The following KLF12 variants were observed in gnomAD, a reference collection of about 807,000 sequenced individuals.
The protein encoded by KLF12 is Krueppel-like factor 12.
KLF12 carries 9 observed loss-of-function variants against 37.8 expected under a neutral mutation model. That is an observed-to-expected ratio of 0.24 (90% confidence interval 0.14 to 0.42). The LOEUF is 0.42. KLF12 is among the 10% of genes least tolerant of loss of function. The pLI, the probability that KLF12 is intolerant of heterozygous loss-of-function variation, is 1.00. For missense variants in KLF12, 411 were observed against 516.0 expected (o/e 0.80, Z 1.97); for synonymous variants, 208 against 202.1 (o/e 1.03, Z -0.25).
At chr13:73,856,953 C>A (rs1159973648) in intron 3 of KLF12, among the ~76,000 whole-genome samples, 2 of 152,100 alleles carry the variant, frequency 1.3e-5, no homozygotes, top group East Asian at 3.9e-4. Flanking sequence ...CGCCATCACA[C>A]TCCCAACATG....
the KLF12 span, among the ~76,000 whole-genome samples, chr13:74,139,463 G>C: frequency 6.6e-6 from 1 of 152,138 alleles, no homozygotes; most frequent in Non-Finnish European, 1.5e-5. Flanking sequence ...GTTTCCATTT[G>C]GGTGCACATA....
intron 3 of KLF12, among the ~76,000 whole-genome samples, chr13:73,851,267 T>C (rs970599353): frequency 2.6e-5 from 4 of 152,208 alleles, no homozygotes; most frequent in African/African-American, 2.4e-5. Flanking sequence ...GCGTAAGATA[T>C]ATTCTGACAC....
chr13:74,184,973 A>G, the KLF12 span, among the ~76,000 whole-genome samples: 1 of 152,220 alleles, frequency 6.6e-6, no homozygotes, highest in African/African-American at 2.4e-5. Flanking sequence ...ACTTTTACAC[A>G]GTGATTTGAG....
chr13:74,139,743 G>T, the KLF12 span, among the ~76,000 whole-genome samples: 1 of 151,730 alleles, frequency 6.6e-6, no homozygotes, highest in African/African-American at 2.4e-5. Flanking sequence ...CAGCAAATTT[G>T]TTTTAAAAAA....
At chr13:74,287,534 C>A in the KLF12 span, among the ~76,000 whole-genome samples, 1 of 152,156 alleles carries the variant, frequency 6.6e-6, no homozygotes, top group Admixed American at 6.5e-5. Context: ...TTGCTTATAT[C>A]TGAACATATT....
At position 74,036,139 on chromosome 13, in the gene KLF12, A is replaced by G. The variant is rs138080722; in HGVS notation, c.-31-41086T>C. On this transcript the variant is annotated intron_variant, in intron 1 of 7. Transcript: ENST00000377669. ...CCTTGTGAACCATCTGACACCACCC[A>G]CTCTCTAAGTCTTCACAGATTTTCC... 3.8e-4 allele frequency among the ~76,000 whole-genome samples: 57 copies of G among 151,856 alleles called. 1 individual carries two copies. In the East Asian group the frequency reaches 0.01, roughly 27 times the overall value.
intron 1 of KLF12, among the ~76,000 whole-genome samples, chr13:74,009,912 A>G (rs936953856): frequency 2.6e-5 from 4 of 152,170 alleles, no homozygotes; most frequent in African/African-American, 9.7e-5. Context: ...AACAAACTAT[A>G]ACGAAGATCT....
intron 2 of KLF12, among the ~76,000 whole-genome samples, chr13:73,964,462 G>GA (rs933534599): frequency 1.3e-5 from 2 of 152,044 alleles, no homozygotes; most frequent in Admixed American, 1.3e-4. Context: ...CTCAATTTCA[G>GA]AAACACTCTA....
At chr13:74,026,650 A>C (rs1892983233) in intron 1 of KLF12, among the ~76,000 whole-genome samples, 1 of 152,222 alleles carries the variant, frequency 6.6e-6, no homozygotes, top group South Asian at 2.1e-4. Flanking sequence ...AATTAAAAAC[A>C]ACAAATACCT....
intron 1 of KLF12, among the ~76,000 whole-genome samples, chr13:74,070,302 T>C (rs937187172): frequency 2.6e-5 from 4 of 152,196 alleles, no homozygotes; most frequent in African/African-American, 9.6e-5. Flanking sequence ...ATGAAACCAC[T>C]GTGCTTAGCA....
At chr13:73,799,269 GGGA>G (rs1257175670) in intron 5 of KLF12, among the ~76,000 whole-genome samples, 2 of 152,106 alleles carry the variant, frequency 1.3e-5, no homozygotes, top group Non-Finnish European at 2.9e-5. Context: ...GGTGATGAAA[GGGA>G]GGAGGGAGAA....
At chr13:73,736,453 A>G (rs973550459) in intron 6 of KLF12, among the ~76,000 whole-genome samples, 1 of 152,196 alleles carries the variant, frequency 6.6e-6, no homozygotes, top group African/African-American at 2.4e-5. Flanking sequence ...TGACTCCAAG[A>G]GTCAGTAAAA....
At chr13:74,201,674 GA>G in the KLF12 span, among the ~76,000 whole-genome samples, 4 of 152,072 alleles carry the variant, frequency 2.6e-5, no homozygotes, top group Admixed American at 6.6e-5. Context: ...TAAATGCAGA[GA>G]TGTAATTCAG....
chr13:73,838,761 C>G (rs1884574357), intron 4 of KLF12, among the ~76,000 whole-genome samples: 1 of 152,112 alleles, frequency 6.6e-6, no homozygotes, highest in Non-Finnish European at 1.5e-5. Flanking sequence ...TATTTTATTA[C>G]CGTCATCTGG....
intron 3 of KLF12, among the ~76,000 whole-genome samples, chr13:73,877,111 A>T (rs1479071749): frequency 6.6e-6 from 1 of 152,078 alleles, no homozygotes; most frequent in Non-Finnish European, 1.5e-5. Context: ...TATACATTGA[A>T]CCTCTGTTCT....
chr13:74,180,542 G>T, the KLF12 span, among the ~76,000 whole-genome samples: 2 of 152,162 alleles, frequency 1.3e-5, no homozygotes, highest in Non-Finnish European at 2.9e-5. Flanking sequence ...TCACAATCAT[G>T]GCATATGTAA....
At chr13:74,077,953 G>A (rs536761541) in intron 1 of KLF12, among the ~76,000 whole-genome samples, 1 of 152,296 alleles carries the variant, frequency 6.6e-6, no homozygotes, top group Admixed American at 6.5e-5. Context: ...CTTCACTCTG[G>A]AGAATAAATG....
chr13:73,765,145 G>A, intron 5 of KLF12, 145 bp from the exon 6 acceptor site: 1 of 571,934 alleles, frequency 1.7e-6, no homozygotes, highest in Non-Finnish European at 3.1e-6. Flanking sequence ...AGTAAATGAT[G>A]CAATTAAATT....
chr13:73,956,954 G>C (rs533908669), intron 2 of KLF12, among the ~76,000 whole-genome samples: 1 of 142,328 alleles, frequency 7.0e-6, no homozygotes, highest in South Asian at 2.2e-4. Flanking sequence ...GGGAAGGGAA[G>C]GAAAAAAGGG....
Sources: gnomAD v4.1 joint callset for allele counts (sites outside exome capture counted in the v4.1 genomes callset) on GRCh38, gnomAD v4.1.1 for gene constraint, MANE v1.5 for transcripts, NCBI Gene and HGNC (gene_info 2026-07-23, HGNC 2026-07-21) for gene names.